The following USP15 variants were observed in gnomAD, a reference collection of about 807,000 sequenced individuals.
USP15 encodes ubiquitin carboxyl-terminal hydrolase 15.
Under a neutral mutation model 127.1 loss-of-function variants are expected in USP15, and 18 were observed. That is an observed-to-expected ratio of 0.14 (90% CI 0.10 to 0.21). The LOEUF (loss-of-function observed/expected upper bound fraction) is 0.21. Among genes scored for constraint, USP15 ranks in the 10% least tolerant of loss-of-function variants. The pLI is 1.00. For missense variants in USP15, 805 were observed against 1,159.9 expected (o/e 0.69, Z 4.44); for synonymous variants, 364 against 393.7 (o/e 0.92, Z 0.89).
At chr12:62,278,458 G>T (rs2063554857) in intron 1 of USP15, among the ~76,000 whole-genome samples, 1 of 152,140 alleles carries the variant, frequency 6.6e-6, no homozygotes, top group Non-Finnish European at 1.5e-5. Flanking sequence ...ACTGTTGTAA[G>T]ATTGGCAGCA....
chr12:62,395,350 TTTTTA>T (rs1055092542), intron 19 of USP15, among the ~76,000 whole-genome samples: 1 of 152,126 alleles, frequency 6.6e-6, no homozygotes, highest in African/African-American at 2.4e-5. Context: ...ACATTCCACA[TTTTTA>T]TTTTATTTTA....
intron 1 of USP15, among the ~76,000 whole-genome samples, chr12:62,271,192 C>A (rs1036221685): frequency 1.2e-4 from 18 of 152,006 alleles, no homozygotes; most frequent in Non-Finnish European, 1.8e-4. Context: ...TCACATTAAT[C>A]CTTCAAATGA....
chr12:62,341,045 A>C (rs2065629988), intron 6 of USP15, among the ~76,000 whole-genome samples: 1 of 152,126 alleles, frequency 6.6e-6, no homozygotes, highest in African/African-American at 2.4e-5. Context: ...TTGTTTTATG[A>C]ATCTGGGTGC....
Position 62,390,919 on chromosome 12 carries a change from T to C in USP15, c.1900T>C (p.Cys634Arg). Residue 634 changes from cysteine to arginine, a missense_variant, in exon 15 of 22, where the codon TGT becomes CGT. Transcript: ENST00000280377. ...TEETEGSLHC[C>R]KDQNINGNGP... ...AGAAACTGAAGGATCCCTACACTGC[T>C]GTAAGGACCAAAATATTAATGGGAA... The C allele has an allele frequency of 1.9e-6, 3 of 1,613,056 alleles. No homozygotes were observed. Among genetic ancestry groups the C allele is most frequent in the Non-Finnish European group, 2.5e-6 (3 of 1,179,380 alleles).
At chr12:62,279,141 T>C (rs796141356) in intron 1 of USP15, 16 of 152,288 alleles carry the variant, frequency 1.1e-4, no homozygotes, top group African/African-American at 3.6e-4. Context: ...ACCCACTGAA[T>C]ATCATCACCT....
At chr12:62,292,601 C>G (rs1206122828) in intron 1 of USP15, among the ~76,000 whole-genome samples, 2 of 152,196 alleles carry the variant, frequency 1.3e-5, no homozygotes, top group Non-Finnish European at 2.9e-5. Context: ...TTCTCTATGT[C>G]TGGGCTCAAG....
At chr12:62,362,204 A>G (rs539956255) in intron 8 of USP15, among the ~76,000 whole-genome samples, 5 of 152,238 alleles carry the variant, frequency 3.3e-5, no homozygotes, top group Admixed American at 1.3e-4. Flanking sequence ...AATTATGCCA[A>G]TCAACCTATA....
intron 1 of USP15, among the ~76,000 whole-genome samples, chr12:62,284,990 A>G (rs554064402): frequency 1.3e-5 from 2 of 152,284 alleles, no homozygotes; most frequent in Admixed American, 1.3e-4. Flanking sequence ...TCAAAAACCA[A>G]TCCTGCTTGC....
rs940307692 is a variant in USP15 at position 62,411,247 on chromosome 12, C to T, written c.*6872C>T. The T allele has an allele frequency of 1.3e-5, 2 of 152,228 alleles. No individual in the cohort carries two copies. Among genetic ancestry groups the T allele is most frequent in the African/African-American group, 4.8e-5 (2 of 41,440 alleles). 9.4% of individuals were successfully genotyped at this position (152,228 alleles called of 1,614,324 possible). A position where few individuals can be genotyped will look rare whatever the true frequency, so the allele number is the denominator to read the frequency against. ...GAGACAACTCAGATAGTCACTACATCCTCTTGCTCTTTCTCATTTTTACTC... is the reference window on the plus strand; with the variant it reads ...GAGACAACTCAGATAGTCACTACATTCTCTTGCTCTTTCTCATTTTTACTC... On this transcript the variant is annotated 3_prime_UTR_variant, in exon 22 of 22. Transcript: ENST00000280377.
intron 21 of USP15, 89 bp downstream of exon 21, chr12:62,401,364 G>A: frequency 1.0e-6 from 1 of 965,610 alleles, no homozygotes; most frequent in Non-Finnish European, 1.6e-6. Flanking sequence ...ATGGAACACT[G>A]TAGTCTATAT....
At chr12:62,303,057 A>C in intron 3 of USP15, 137 bp downstream of exon 3, 1 of 933,480 alleles carries the variant, frequency 1.1e-6, no homozygotes, top group Non-Finnish European at 1.5e-6. Flanking sequence ...ACTGTGTTAC[A>C]ATAATGGCAA....
At chr12:62,302,556 T>A (rs1320147406) in intron 2 of USP15, among the ~76,000 whole-genome samples, 1 of 152,106 alleles carries the variant, frequency 6.6e-6, no homozygotes, top group Non-Finnish European at 1.5e-5. Context: ...CTTAAAACAT[T>A]ATGAGTTTTT....
At chr12:62,311,608 T>A (rs996734068) in intron 3 of USP15, among the ~76,000 whole-genome samples, 1 of 151,718 alleles carries the variant, frequency 6.6e-6, no homozygotes, top group Non-Finnish European at 1.5e-5. Flanking sequence ...CAAACTTAGT[T>A]CATAAGTTTG....
At chr12:62,348,265 T>C (rs914599102) in intron 6 of USP15, among the ~76,000 whole-genome samples, 2 of 152,224 alleles carry the variant, frequency 1.3e-5, no homozygotes, top group Non-Finnish European at 2.9e-5. Context: ...TTAAAAAATT[T>C]TATTGCCCAC....
intron 3 of USP15, among the ~76,000 whole-genome samples, chr12:62,313,442 A>G (rs1311081172): frequency 6.6e-6 from 1 of 151,554 alleles, no homozygotes; most frequent in African/African-American, 2.4e-5. Context: ...TGAGGCCTGC[A>G]GTTTACCTTA....
At chr12:62,403,624 A>G (rs541138127) in intron 21 of USP15, among the ~76,000 whole-genome samples, 1 of 152,126 alleles carries the variant, frequency 6.6e-6, no homozygotes, top group East Asian at 1.9e-4. Context: ...ACTATGAGGA[A>G]GAGGAAGAGA....
At chr12:62,345,288 CG>C (rs1565873912) in intron 6 of USP15, among the ~76,000 whole-genome samples, 1 of 151,628 alleles carries the variant, frequency 6.6e-6, no homozygotes, top group Non-Finnish European at 1.5e-5. Context: ...TCTCTAGGGT[CG>C]GGGCAAAATG....
chr12:62,299,102 A>C (rs1399564267), intron 2 of USP15, among the ~76,000 whole-genome samples: 1 of 152,060 alleles, frequency 6.6e-6, no homozygotes, highest in Non-Finnish European at 1.5e-5. Flanking sequence ...TATAAATGGA[A>C]TCATACAATA....
chr12:62,397,128 GAC>G (rs1242663761), intron 20 of USP15, among the ~76,000 whole-genome samples: 2 of 152,250 alleles, frequency 1.3e-5, no homozygotes, highest in East Asian at 3.9e-4. Flanking sequence ...TATATTTTTA[GAC>G]ACACAGTTGG....
Sources: allele counts gnomAD v4.1 joint callset (sites outside exome capture counted in the v4.1 genomes callset), GRCh38; gene constraint gnomAD v4.1.1; transcripts MANE v1.5; gene names NCBI Gene and HGNC (gene_info 2026-07-23, HGNC 2026-07-21).